MLLT10: variants seen among roughly 807,000 people sequenced by gnomAD.
The protein encoded by MLLT10 is protein AF-10.
Under a neutral mutation model 129.1 loss-of-function variants are expected in MLLT10, and 30 were observed. The ratio of observed to expected loss-of-function variants is 0.23; its 90% CI spans 0.17 to 0.32. MLLT10 has a LOEUF of 0.32. Ranked by LOEUF, MLLT10 falls within the 10% of genes least tolerant of loss-of-function variation. The pLI is 1.00. For synonymous variants in MLLT10, 490 were observed against 446.4 expected, an observed-to-expected ratio of 1.10 and a Z score of -1.23; for missense variants, 1,119 against 1,268.3, an observed-to-expected ratio of 0.88 and a Z score of 1.79.
At chr10:21,713,635 C>T (rs764687421) in intron 13 of MLLT10, 137 bp from the exon 14 acceptor site, 14 of 699,782 alleles carry the variant, frequency 2.0e-5, no homozygotes, top group Non-Finnish European at 3.1e-5. Context: ...GTTACTAGCA[C>T]AATATTTTTT....
intron 8 of MLLT10, among the ~76,000 whole-genome samples, chr10:21,634,387 G>T (rs1272121605): frequency 1.3e-5 from 2 of 152,148 alleles, no homozygotes; most frequent in Non-Finnish European, 2.9e-5. Context: ...GAAATACCAC[G>T]TAGATGATGT....
At chr10:21,679,964 A>G (rs1336546998) in intron 11 of MLLT10, among the ~76,000 whole-genome samples, 3 of 152,152 alleles carry the variant, frequency 2.0e-5, no homozygotes, top group Admixed American at 1.3e-4. Context: ...CCATAAGGGA[A>G]TATCAGTTGT....
intron 8 of MLLT10, among the ~76,000 whole-genome samples, chr10:21,643,560 A>T (rs115623408): frequency 1.1e-4 from 17 of 152,122 alleles, no homozygotes; most frequent in African/African-American, 4.1e-4. Context: ...GTGTTCTCTG[A>T]TTTCTTTCAT....
chr10:21,630,302 T>C (rs1203409854), intron 8 of MLLT10, among the ~76,000 whole-genome samples: 1 of 152,218 alleles, frequency 6.6e-6, no homozygotes, highest in Non-Finnish European at 1.5e-5. Context: ...AGCATGGGCC[T>C]AGAGGGCTCA....
chr10:21,633,958 C>G (rs2047228355), intron 8 of MLLT10, among the ~76,000 whole-genome samples: 1 of 152,104 alleles, frequency 6.6e-6, no homozygotes, highest in Non-Finnish European at 1.5e-5. Context: ...TAGTTGTTGT[C>G]TCTTTAGTCT....
intron 5 of MLLT10, 156 bp downstream of exon 5, chr10:21,595,596 A>G: frequency 1.8e-6 from 1 of 567,182 alleles, no homozygotes; most frequent in Non-Finnish European, 3.1e-6. Flanking sequence ...TGTTATTAAT[A>G]TGTTACTAAG....
rs141180707 is a variant in MLLT10, at chr10:21,614,804, A to G, written c.510-27A>G. 6.2e-4 allele frequency: 986 copies of G among 1,589,396 alleles called. 4 individuals carry two copies. The African/African-American group carries it at 9.6e-3, about 15-fold the overall frequency. ...CAGGTACTGTGATTTTAGTATATCA[A>G]TAAATATACTTGGCTTTTATTTTCA... On this transcript the variant is annotated intron_variant, in intron 6 of 22. Transcript: ENST00000307729.
At chr10:21,650,182 A>G (rs1489021438) in intron 8 of MLLT10, among the ~76,000 whole-genome samples, 1 of 151,672 alleles carries the variant, frequency 6.6e-6, no homozygotes, top group African/African-American at 2.4e-5. Flanking sequence ...TCTCAAAAAT[A>G]AAAAAAATAC....
At chr10:21,643,733 C>G (rs2048232121) in intron 8 of MLLT10, among the ~76,000 whole-genome samples, 1 of 152,160 alleles carries the variant, frequency 6.6e-6, no homozygotes, top group Non-Finnish European at 1.5e-5. Context: ...CTAAGTTTAA[C>G]TACAGTAAGT....
intron 8 of MLLT10, among the ~76,000 whole-genome samples, chr10:21,617,734 T>C (rs1053049885): frequency 6.6e-6 from 1 of 152,226 alleles, no homozygotes; most frequent in Non-Finnish European, 1.5e-5. Context: ...CTAATCTGTC[T>C]TTTTCTGACT....
chr10:21,625,167 A>T (rs577183533), intron 8 of MLLT10: 25 of 1,377,774 alleles, frequency 1.8e-5, no homozygotes, highest in Non-Finnish European at 2.5e-5. Context: ...GTGTAGTGAT[A>T]ATCTTCATAT....
intron 8 of MLLT10, among the ~76,000 whole-genome samples, chr10:21,647,117 A>G (rs574129575): frequency 6.6e-6 from 1 of 152,100 alleles, no homozygotes; most frequent in African/African-American, 2.4e-5. Flanking sequence ...CGGCCTCCCA[A>G]AGTGCTGGGA....
At chr10:21,649,413 A>G (rs1353652866) in intron 8 of MLLT10, among the ~76,000 whole-genome samples, 1 of 152,158 alleles carries the variant, frequency 6.6e-6, no homozygotes. Flanking sequence ...TTTAGCTCCC[A>G]TGACCCAATC....
At chr10:21,659,218 T>C (rs893253207) in intron 9 of MLLT10, among the ~76,000 whole-genome samples, 5 of 152,200 alleles carry the variant, frequency 3.3e-5, no homozygotes, top group African/African-American at 1.2e-4. Context: ...ATGAATTTTT[T>C]TGTGTTTTCT....
At chr10:21,730,860 G>A (rs759750345) in intron 16 of MLLT10, 40 bp from the exon 17 acceptor site, 2 of 1,612,474 alleles carry the variant, frequency 1.2e-6, no homozygotes, top group Admixed American at 1.7e-5. Flanking sequence ...TCTCTTAAAA[G>A]CATTCCCCTT....
intron 14 of MLLT10, 103 bp downstream of exon 14, chr10:21,714,053 AT>A (rs1033964449): frequency 1.1e-6 from 1 of 900,116 alleles, no homozygotes; most frequent in African/African-American, 1.7e-5. Context: ...TTCTATAGGA[AT>A]TTATGAAATA....
Position 21,673,523 on chromosome 10 carries a change from G to T in MLLT10, c.1225G>T (p.Gly409Trp), listed in dbSNP as rs573639267. ...TAAAGGAGAGTCTGGAAGCCAGGAA[G>T]GGGGGGTAAATAGTTTTAGTACCTT... ...VHKGESGSQE[G>W]GVNSFSTLIG... Residue 409 changes from glycine to tryptophan, a missense_variant, in exon 11 of 23, where the codon GGG becomes TGG. By Grantham distance (184) the Gly-to-Trp change is radical (BLOSUM62 -2). Around this residue, in one of 5 missense-constraint regions of MLLT10, gnomAD observed 1,004 missense variants for 1,008.7 expected, o/e 1.00. Coordinates refer to ENST00000307729, the MANE Select transcript of MLLT10 (RefSeq NM_001195626.3). 2.6e-5 allele frequency: 42 copies of T among 1,613,300 alleles called. No individual in the cohort carries two copies. The highest frequency in any genetic ancestry group is 4.0e-5 in the African/African-American group (3 of 74,770).
chr10:21,534,122 G>T (rs1470261532), upstream of MLLT10: 2 of 314,856 alleles, frequency 6.4e-6, no homozygotes, highest in Non-Finnish European at 1.2e-5. Context: ...GCGCGGGGGA[G>T]GGGGACGGGG....
At chr10:21,632,836 G>A (rs2047125135) in intron 8 of MLLT10, among the ~76,000 whole-genome samples, 1 of 152,050 alleles carries the variant, frequency 6.6e-6, no homozygotes, top group African/African-American at 2.4e-5. Flanking sequence ...ACTGATTGTA[G>A]GATGCACCTT....
Sources: gnomAD v4.1 joint callset for allele counts (sites outside exome capture counted in the v4.1 genomes callset) on GRCh38, gnomAD v4.1.1 for gene constraint, gnomAD v4.1.1 regional missense constraint, MANE v1.5 for transcripts, NCBI Gene and HGNC (gene_info 2026-07-23, HGNC 2026-07-21) for gene names.